The following JAG1 variants were observed in gnomAD, a reference collection of about 807,000 sequenced individuals.
The protein encoded by JAG1 is protein jagged-1.
In JAG1, 23 loss-of-function variants were observed where a neutral mutation model predicts 148.7. That is an observed-to-expected ratio of 0.15 (90% CI 0.11 to 0.22). The LOEUF is 0.22. JAG1 is among the 10% of genes least tolerant of loss of function. The pLI is 1.00. For synonymous variants in JAG1, 572 were observed against 598.3 expected (o/e 0.96, Z 0.64); for missense variants, 1,054 against 1,611.2 (o/e 0.65, Z 5.92).
rs2067508324 is a variant in JAG1, at chr20:10,673,014, C to T, written c.82-8G>A. The T allele has an allele frequency of 6.2e-7, 1 of 1,605,210 alleles. No homozygotes were observed. Among genetic ancestry groups the T allele is most frequent in the Non-Finnish European group, 8.5e-7 (1 of 1,179,920 alleles). On this transcript the variant is annotated splice_polypyrimidine_tract_variant and splice_region_variant and intron_variant, in intron 1 of 25. Coordinates refer to ENST00000254958, the MANE Select transcript of JAG1 (RefSeq NM_000214.3). This position sits in a 1 kb window ranked among gnomAD's most constrained non-coding sequence, Gnocchi z 4.7. ...ACCCGAGGCCCCACACACCTGCCGG[C>T]GAGGGAAGGAGGTAGGTCAGCGCGG...
chr20:10,642,676 C>A, intron 20 of JAG1, 75 bp from the exon 21 acceptor site: 1 of 877,230 alleles, frequency 1.1e-6, no homozygotes, highest in Non-Finnish European at 1.9e-6. Flanking sequence ...ATTGACATAA[C>A]ATACAAGAAA....
Position 10,672,770 on chromosome 20 carries a change from G to C in JAG1, c.318C>G (p.Thr106=). ...TGCCGCGGCTGGCCTTGAGGTTGAA[G>C]GTGTTGCCCCCGATGACAGGCGTGG... ...SGSTPVIGGN[T]FNLKASRGND... is the part of the protein sequence containing the mutation. Residue 106 remains threonine, a synonymous_variant, in exon 2 of 26, where the codon ACC becomes ACG. Coordinates refer to ENST00000254958, the MANE Select transcript of JAG1 (RefSeq NM_000214.3). 1 of 1,613,140 alleles carries C rather than the reference G, an allele frequency of 6.2e-7. No individual in the cohort carries two copies. The highest frequency in any genetic ancestry group is 8.5e-7 in the Non-Finnish European group (1 of 1,180,044).
chr20:10,656,565 C>T lies in JAG1; in HGVS notation c.695-107G>A, dbSNP rs1043090850. 1.4e-5 allele frequency: 12 copies of T among 887,604 alleles called. No individual in the cohort carries two copies. In the East Asian group the frequency reaches 2.6e-4, roughly 19 times the overall value. The allele number at this position is 887,604 out of a possible 1,614,324, so 55.0% of individuals were successfully genotyped here. On this transcript the variant is annotated intron_variant, in intron 4 of 25. Coordinates refer to ENST00000254958, the MANE Select transcript of JAG1 (RefSeq NM_000214.3). ...AAGTCTGCAAATTCCACGATTTTAA[C>T]AGGTCTCATATCAAGTCCCTTGTAA...
intron 21 of JAG1, among the ~76,000 whole-genome samples, 198 bp downstream of exon 21, chr20:10,642,288 TAC>T (rs1292660158): frequency 6.6e-6 from 1 of 152,208 alleles, no homozygotes; most frequent in Non-Finnish European, 1.5e-5. Flanking sequence ...GATGGTTTGG[TAC>T]ACAGTTTTGT....
At chr20:10,648,944 A>G (rs1263404950) in intron 11 of JAG1, 117 bp downstream of exon 11, 3 of 980,656 alleles carry the variant, frequency 3.1e-6, no homozygotes, top group South Asian at 2.8e-5. Flanking sequence ...CTTCCAAGAG[A>G]CTCTTTTTTC....
At position 10,652,267 on chromosome 20, in the gene JAG1, G is replaced by A. The variant is rs1200180471; in HGVS notation, c.887-17C>T. The A allele has an allele frequency of 1.9e-6, 3 of 1,613,756 alleles. No individual in the cohort carries two copies. The Admixed American group carries it at 5.0e-5, about 27-fold the overall frequency. On this transcript the variant is annotated splice_polypyrimidine_tract_variant and intron_variant, in intron 6 of 25. Coordinates refer to ENST00000254958, the MANE Select transcript of JAG1 (RefSeq NM_000214.3). ...AATTGAGATCTGCCAAAAAGATCCTGGAGTCACTAAGAGACGCCTGTGAAG... is the reference window on the plus strand; with the variant it reads ...AATTGAGATCTGCCAAAAAGATCCTAGAGTCACTAAGAGACGCCTGTGAAG...
chr20:10,640,420 C>T (rs1188509961), intron 25 of JAG1, among the ~76,000 whole-genome samples: 1 of 152,224 alleles, frequency 6.6e-6, no homozygotes, highest in Non-Finnish European at 1.5e-5. Context: ...GCCATCGAGC[C>T]TCACAGAGCT....
Position 10,658,449 on chromosome 20 carries a change from T to G in JAG1, c.694+19A>C, listed in dbSNP as rs746722225. The G allele has an allele frequency of 1.9e-6, 3 of 1,612,944 alleles. No homozygotes were observed. Among genetic ancestry groups the G allele is most frequent in the Non-Finnish European group, 2.5e-6 (3 of 1,179,944 alleles). ...TAAAAGCAACAGGCACACGTGCACA[T>G]GCACACACACACACATACCTCTGTT... On this transcript the variant is annotated intron_variant, in intron 4 of 25. Coordinates refer to ENST00000254958, the MANE Select transcript of JAG1 (RefSeq NM_000214.3).
intron 2 of JAG1, among the ~76,000 whole-genome samples, chr20:10,672,189 CG>C (rs1436399378): frequency 1.3e-5 from 2 of 152,152 alleles, no homozygotes; most frequent in African/African-American, 4.8e-5. Context: ...TAAAATCTCC[CG>C]GGGAGCAGCG....
chr20:10,647,943 C>CG lies in JAG1; in HGVS notation c.1720+16dup, dbSNP rs774418829. 36 of 1,613,598 alleles carry CG rather than the reference C, an allele frequency of 2.2e-5. No homozygotes were observed. In the African/African-American group the frequency reaches 4.4e-4, roughly 20 times the overall value. ...AGCAAGTCTGGAGACAGCCAGGTCC[C>CG]GGGAGAAGGGAGGTACCTTCACAGG... On this transcript the variant is annotated intron_variant, in intron 13 of 25. Transcript: ENST00000254958.
In JAG1 at chr20:10,652,517, G is replaced by T. The variant is rs1206675987; in HGVS notation, c.837C>A (p.Pro279=). 1 of 1,614,006 alleles carries T rather than the reference G, an allele frequency of 6.2e-7. No homozygotes were observed. Among genetic ancestry groups the T allele is most frequent in the Non-Finnish European group, 8.5e-7 (1 of 1,179,994 alleles). ...PGCVHGICNE[P]WQCLCETNWG... ...AGTTGGTCTCACAGAGGCACTGCCAGGGCTCATTACAGATGCCGTGGACGC... is the reference window on the plus strand; with the variant it reads ...AGTTGGTCTCACAGAGGCACTGCCATGGCTCATTACAGATGCCGTGGACGC... Residue 279 remains proline, a synonymous_variant, in exon 6 of 26, where the codon CCC becomes CCA. Transcript: ENST00000254958.
At position 10,641,186 on chromosome 20, in the gene JAG1, A is replaced by G; in HGVS notation, c.2975T>C (p.Val992Ala). ...GATGTAGATTGAATATTCAGCGGAA[A>G]CATTCTTCAAAATATTCAAATTCCT... The part of the protein sequence containing the change: ...ELRNLNILKN[V>A]SAEYSIYIAC... Residue 992 changes from valine to alanine, a missense_variant, in exon 24 of 26, where the codon GTT (valine) becomes GCT (alanine). Physicochemically the swap from Val to Ala is moderately conservative, Grantham distance 64. This residue lies in a region of JAG1 where 342 missense variants were observed against 514.6 expected (regional missense o/e 0.66). Transcript: ENST00000254958. 1 of 1,614,016 alleles carries G rather than the reference A, an allele frequency of 6.2e-7. No individual in the cohort carries two copies. The highest frequency in any genetic ancestry group is 8.5e-7 in the Non-Finnish European group (1 of 1,179,994).
At chr20:10,641,374 A>G in intron 23 of JAG1, 86 bp downstream of exon 23, 1 of 1,512,294 alleles carries the variant, frequency 6.6e-7, no homozygotes, top group South Asian at 1.1e-5. Flanking sequence ...GCTAGGGAGA[A>G]GTAGATCCTA....
intron 2 of JAG1, among the ~76,000 whole-genome samples, chr20:10,666,220 C>CCA (rs2067453144): frequency 6.6e-6 from 1 of 152,114 alleles, no homozygotes; most frequent in Non-Finnish European, 1.5e-5. Flanking sequence ...ACTCAACCTC[C>CCA]CACTCCATCC....
In JAG1 at chr20:10,673,417, G is replaced by A; in HGVS notation, c.81+33C>T. Reference sequence around the variant, plus strand: ...GGCGCCGCGAGGGGAGGGAGAGGACGGCTGGGAGGGAGGCCCGGAGAAGGG... The same window carrying A: ...GGCGCCGCGAGGGGAGGGAGAGGACAGCTGGGAGGGAGGCCCGGAGAAGGG... On this transcript the variant is annotated intron_variant, in intron 1 of 25. Transcript: ENST00000254958. The surrounding 1 kb of genome is among the most constrained non-coding windows in gnomAD (Gnocchi z 4.7). The A allele has an allele frequency of 1.4e-6, 2 of 1,407,594 alleles. No individual in the cohort carries two copies. The highest frequency in any genetic ancestry group is 1.9e-6 in the Non-Finnish European group (2 of 1,065,954). The allele number at this position is 1,407,594 out of a possible 1,614,324, so 87.2% of individuals were successfully genotyped here.
rs139536676 is a variant in JAG1, at chr20:10,638,932, ATTT to A, written c.*563_*565del. On this transcript the variant is annotated 3_prime_UTR_variant, in exon 26 of 26. Coordinates refer to ENST00000254958, the MANE Select transcript of JAG1 (RefSeq NM_000214.3). ...AACTATACAAAGTTCTACTTTTGAC[ATTT>A]TTTTCTTTAAATTCTTCATTTTACC... 2.9e-3 allele frequency: 455 copies of A among 155,588 alleles called. 2 individuals carry two copies. Among genetic ancestry groups the A allele is most frequent in the African/African-American group, 9.1e-3 (377 of 41,562 alleles). 9.6% of individuals were successfully genotyped at this position (155,588 alleles called of 1,614,324 possible).
At chr20:10,652,647 A>C in intron 5 of JAG1, 49 bp from the exon 6 acceptor site, 1 of 1,605,794 alleles carries the variant, frequency 6.2e-7, no homozygotes, top group Non-Finnish European at 8.5e-7. Flanking sequence ...ACGTTAAGAG[A>C]CACCTGTACA....
intron 2 of JAG1, 23 bp from the exon 3 acceptor site, chr20:10,664,037 A>G: frequency 6.2e-7 from 1 of 1,609,692 alleles, no homozygotes; most frequent in Non-Finnish European, 8.5e-7. Context: ...CAAACAATTT[A>G]GCAATTCAGA....
chr20:10,647,151 C>G (rs761932722), intron 13 of JAG1, 48 bp from the exon 14 acceptor site: 1 of 1,609,952 alleles, frequency 6.2e-7, no homozygotes, highest in South Asian at 1.1e-5. Flanking sequence ...CCCACAGATG[C>G]GGCATTCCTA....
Sources: gnomAD v4.1 joint callset for allele counts (sites outside exome capture counted in the v4.1 genomes callset) on GRCh38, gnomAD v4.1.1 for gene constraint, gnomAD v4.1.1 regional missense constraint, Gnocchi (gnomAD v3.1) non-coding constraint, MANE v1.5 for transcripts, NCBI Gene and HGNC (gene_info 2026-07-23, HGNC 2026-07-21) for gene names.